Variants in DLGAP2 observed in about 807,000 individuals in gnomAD.
The protein encoded by DLGAP2 is DLG associated protein 2, also known as disks large-associated protein 2.
A neutral mutation model predicts 100.3 loss-of-function variants in DLGAP2; 26 were observed. That is an observed-to-expected ratio of 0.26 (90% CI 0.19 to 0.36). DLGAP2 has a LOEUF of 0.36. DLGAP2 is among the 10% of genes least tolerant of loss of function. The probability of loss-of-function intolerance (pLI) is 1.00; values close to 1 mark genes in which losing one functional copy is unlikely to be tolerated. For missense variants in DLGAP2, 1,858 were observed against 1,453.2 expected (o/e 1.28, Z -4.53); for synonymous variants, 886 against 630.1 (o/e 1.41, Z -6.08).
rs1799634523 is a variant in DLGAP2, at chr8:1,274,055, GA to G, written c.106+15174del. ...TAAAAGCTTTGAGATAAAATCATTA[GA>G]ATTCTAACAGCGTGACGGCTCTGTT... On this transcript the variant is annotated intron_variant, in intron 3 of 14. Transcript: ENST00000637795. Among the ~76,000 whole-genome samples the G allele has an allele frequency of 2.6e-5, 4 of 152,240 alleles. No homozygotes were observed. The South Asian group carries it at 8.3e-4, about 32-fold the overall frequency.
chr8:1,528,915 C>T (rs1411116972), intron 4 of DLGAP2, among the ~76,000 whole-genome samples: 1 of 152,206 alleles, frequency 6.6e-6, no homozygotes, highest in African/African-American at 2.4e-5. Flanking sequence ...AGCCTTTCTG[C>T]AATTTTTAAA....
chr8:1,646,004 C>T (rs1225701819), intron 8 of DLGAP2, among the ~76,000 whole-genome samples: 1 of 152,162 alleles, frequency 6.6e-6, no homozygotes, highest in African/African-American at 2.4e-5. Flanking sequence ...GCACAGTTCT[C>T]TGTATGATAG....
At chr8:1,152,137 T>C (rs1274873202) in intron 2 of DLGAP2, among the ~76,000 whole-genome samples, 2 of 152,260 alleles carry the variant, frequency 1.3e-5, no homozygotes, top group Non-Finnish European at 2.9e-5. Context: ...GCTATATTTC[T>C]TCTGTAAATT....
At position 1,320,509 on chromosome 8, in the gene DLGAP2, C is replaced by T. The variant is rs1800871362; in HGVS notation, c.106+61626C>T. On this transcript the variant is annotated intron_variant, in intron 3 of 14. Transcript: ENST00000637795. The stretch of plus-strand genomic sequence containing the variant: ...GCCGGGCAGACGGGTGAACGGGCAA[C>T]ATACGGGCACAGAGCCGTGGGTCCC... Among the ~76,000 whole-genome samples, 3 of 152,152 alleles carry T rather than the reference C, an allele frequency of 2.0e-5. No individual in the cohort carries two copies. The South Asian group carries it at 6.2e-4, about 32-fold the overall frequency.
intron 1 of DLGAP2, chr8:739,383 G>T (rs1820424019): frequency 6.6e-6 from 1 of 152,268 alleles, no homozygotes; most frequent in African/African-American, 2.4e-5. Flanking sequence ...TTGCAGTTGG[G>T]AAATAACCCG....
chr8:1,637,062 G>A (rs779600586), intron 8 of DLGAP2, among the ~76,000 whole-genome samples: 2 of 152,282 alleles, frequency 1.3e-5, no homozygotes, highest in East Asian at 1.9e-4. Flanking sequence ...TCTGGCCGCC[G>A]GCTGGCTCCG....
intron 2 of DLGAP2, among the ~76,000 whole-genome samples, chr8:1,083,470 G>C (rs1414950657): frequency 2.6e-5 from 4 of 152,196 alleles, no homozygotes; most frequent in African/African-American, 2.4e-5. Flanking sequence ...GTTCGAGTTT[G>C]TGTTGACCTT....
intron 3 of DLGAP2, among the ~76,000 whole-genome samples, chr8:1,482,911 C>A (rs1225852130): frequency 1.3e-5 from 2 of 152,230 alleles, no homozygotes; most frequent in Admixed American, 6.5e-5. Context: ...GGACAGGGAC[C>A]CAGGAGAAGA....
At chr8:749,638 A>C (rs1299389591) in intron 1 of DLGAP2, among the ~76,000 whole-genome samples, 1 of 152,146 alleles carries the variant, frequency 6.6e-6, no homozygotes, top group Non-Finnish European at 1.5e-5. Flanking sequence ...GGGTTAATGT[A>C]TTTTTTTGAA....
intron 2 of DLGAP2, among the ~76,000 whole-genome samples, chr8:1,159,183 C>G (rs745680147): frequency 6.6e-6 from 1 of 152,176 alleles, no homozygotes; most frequent in Non-Finnish European, 1.5e-5. Context: ...AGGTTGAGGT[C>G]TCTGCATTTA....
intron 3 of DLGAP2, among the ~76,000 whole-genome samples, chr8:1,460,024 C>T (rs746573600): frequency 1.2e-4 from 18 of 152,168 alleles, no homozygotes; most frequent in African/African-American, 2.7e-4. Context: ...AACCTTTTCA[C>T]GTTCTGGAAT....
At chr8:869,812 G>A (rs1274899501) in intron 1 of DLGAP2, among the ~76,000 whole-genome samples, 1 of 152,076 alleles carries the variant, frequency 6.6e-6, no homozygotes, top group African/African-American at 2.4e-5. Context: ...ACGAGTGGGC[G>A]GGCCTGATGG....
Position 1,687,488 on chromosome 8 carries a change from C to T in DLGAP2, c.2705-4047C>T, listed in dbSNP as rs191124064. 4.2e-3 allele frequency among the ~76,000 whole-genome samples: 634 copies of T among 152,262 alleles called. 6 individuals carry two copies. The highest frequency in any genetic ancestry group is 0.014 in the African/African-American group (583 of 41,556). Reference sequence around the variant, plus strand: ...ACTTCTTTGCAATTATAGGAAGCTACTTACATTATAGGCATCAGATAGGAT... The same window carrying T: ...ACTTCTTTGCAATTATAGGAAGCTATTTACATTATAGGCATCAGATAGGAT... On this transcript the variant is annotated intron_variant, in intron 12 of 14. Transcript: ENST00000637795.
chr8:1,658,965 T>C (rs1479442601), intron 8 of DLGAP2, among the ~76,000 whole-genome samples: 3 of 152,212 alleles, frequency 2.0e-5, no homozygotes, highest in Non-Finnish European at 4.4e-5. Context: ...TCTGTGACAA[T>C]TTTGTGCTGT....
At chr8:738,108 G>T (rs550398771) in intron 1 of DLGAP2, 321 of 243,342 alleles carry the variant, frequency 1.3e-3, no homozygotes, top group African/African-American at 7.0e-3. Context: ...GGAGCGCACG[G>T]GGCCGCGGAG....
chr8:1,284,440 C>T (rs900575380), intron 3 of DLGAP2, among the ~76,000 whole-genome samples: 15 of 151,990 alleles, frequency 9.9e-5, no homozygotes, highest in Admixed American at 8.5e-4. Context: ...GTGTGTGGAC[C>T]GTCACCTGGG....
At chr8:1,624,235 G>C (rs937222616) in intron 6 of DLGAP2, among the ~76,000 whole-genome samples, 2 of 152,304 alleles carry the variant, frequency 1.3e-5, no homozygotes, top group East Asian at 1.9e-4. Context: ...TTGGTAGAAA[G>C]TGCCGATTGG....
intron 2 of DLGAP2, among the ~76,000 whole-genome samples, chr8:1,226,081 A>T (rs1798409901): frequency 6.6e-6 from 1 of 152,170 alleles, no homozygotes; most frequent in South Asian, 2.1e-4. Context: ...AGGGGGTAAT[A>T]TCCAAAATTT....
intron 3 of DLGAP2, among the ~76,000 whole-genome samples, chr8:1,480,616 G>A (rs575262772): frequency 3.3e-5 from 5 of 151,796 alleles, no homozygotes; most frequent in East Asian, 3.9e-4. Context: ...TTGGGAGGCC[G>A]AGGCGGGCGG....
Sources: allele counts gnomAD v4.1 joint callset (sites outside exome capture counted in the v4.1 genomes callset), GRCh38; gene constraint gnomAD v4.1.1; transcripts MANE v1.5; gene names NCBI Gene and HGNC (gene_info 2026-07-23, HGNC 2026-07-21).